Variants in HHAT observed in about 807,000 individuals in gnomAD.
HHAT encodes the protein hedgehog acyltransferase.
A neutral mutation model predicts 70.8 loss-of-function variants in HHAT; 47 were observed. That is an observed-to-expected ratio of 0.66 (90% CI 0.53 to 0.85). HHAT has a LOEUF of 0.85. HHAT is among the 40% of genes least tolerant of loss of function. The probability of loss-of-function intolerance (pLI) is 0.00; values close to 1 mark genes in which losing one functional copy is unlikely to be tolerated. For synonymous variants in HHAT, 228 were observed against 247.6 expected, an observed-to-expected ratio of 0.92 and a Z score of 0.74; for missense variants, 609 against 604.8, an observed-to-expected ratio of 1.01 and a Z score of -0.07.
intron 3 of HHAT, among the ~76,000 whole-genome samples, chr1:210,378,860 A>C (rs1224116253): frequency 6.6e-6 from 1 of 152,236 alleles, no homozygotes; most frequent in Non-Finnish European, 1.5e-5. Context: ...GTGTTCTTCA[A>C]AGTGAACTGT....
At chr1:210,483,819 C>T (rs528263760) in intron 8 of HHAT, among the ~76,000 whole-genome samples, 1 of 152,220 alleles carries the variant, frequency 6.6e-6, no homozygotes, top group East Asian at 1.9e-4. Context: ...ACCCATCAAC[C>T]AAGGTAGAAT....
At chr1:210,547,183 T>C (rs1299406943) in intron 9 of HHAT, among the ~76,000 whole-genome samples, 1 of 151,928 alleles carries the variant, frequency 6.6e-6, no homozygotes. Flanking sequence ...TACAAAATTA[T>C]CTGGGTGTGG....
chr1:210,425,083 A>G (rs1467974587), intron 7 of HHAT, among the ~76,000 whole-genome samples: 1 of 152,080 alleles, frequency 6.6e-6, no homozygotes, highest in Non-Finnish European at 1.5e-5. Context: ...TTTGATTTGC[A>G]TTTCTCTAAT....
At chr1:210,603,169 CG>C (rs1276208463) in intron 10 of HHAT, among the ~76,000 whole-genome samples, 2 of 152,184 alleles carry the variant, frequency 1.3e-5, no homozygotes, top group African/African-American at 4.8e-5. Context: ...CTCCAATCAT[CG>C]GCTGCTATCA....
intron 6 of HHAT, among the ~76,000 whole-genome samples, chr1:210,411,629 C>T (rs1192184999): frequency 1.3e-5 from 2 of 152,116 alleles, no homozygotes; most frequent in African/African-American, 2.4e-5. Context: ...GTGGTACATG[C>T]CTGTAGTCCC....
intron 9 of HHAT, among the ~76,000 whole-genome samples, chr1:210,536,554 T>A (rs1316483): frequency 1.3e-5 from 2 of 152,204 alleles, no homozygotes; most frequent in African/African-American, 4.8e-5. Context: ...TCATTTACAG[T>A]GGAGGTGGAA....
At position 210,400,459 on chromosome 1, in the gene HHAT, C is replaced by A; in HGVS notation, c.274-9C>A. On this transcript the variant is annotated splice_polypyrimidine_tract_variant and intron_variant, in intron 4 of 11. Transcript: ENST00000261458. ...CTGTCTCTCTCTGGATGGGCCCCAC[C>A]ATTTGCAGCACAGACCCTGGATTCT... The A allele has an allele frequency of 1.3e-6, 2 of 1,599,170 alleles. No individual in the cohort carries two copies. Among genetic ancestry groups the A allele is most frequent in the South Asian group, 2.3e-5 (2 of 88,634 alleles).
At chr1:210,440,915 T>C (rs2093491821) in intron 7 of HHAT, among the ~76,000 whole-genome samples, 1 of 152,222 alleles carries the variant, frequency 6.6e-6, no homozygotes, top group Admixed American at 6.5e-5. Context: ...CAACTTTGGA[T>C]GATTTATGCA....
intron 3 of HHAT, among the ~76,000 whole-genome samples, chr1:210,379,029 A>G (rs1213102138): frequency 6.6e-6 from 1 of 152,254 alleles, no homozygotes; most frequent in African/African-American, 2.4e-5. Context: ...TTTGAGAATA[A>G]TAGAAAAACC....
At chr1:210,541,952 C>T (rs1356821817) in intron 9 of HHAT, among the ~76,000 whole-genome samples, 2 of 152,164 alleles carry the variant, frequency 1.3e-5, no homozygotes, top group African/African-American at 4.8e-5. Flanking sequence ...AGTTCATCAG[C>T]GTCAGCGCTT....
At chr1:210,360,997 A>G (rs1302407485) in intron 2 of HHAT, among the ~76,000 whole-genome samples, 1 of 151,760 alleles carries the variant, frequency 6.6e-6, no homozygotes, top group Non-Finnish European at 1.5e-5. Flanking sequence ...CTAGAGGGAG[A>G]TATGTTCCAG....
At chr1:210,382,940 C>G (rs1216966029) in intron 3 of HHAT, among the ~76,000 whole-genome samples, 1 of 152,188 alleles carries the variant, frequency 6.6e-6, no homozygotes, top group Admixed American at 6.5e-5. Flanking sequence ...TGAAACCCGG[C>G]TCTGCCCCTT....
chr1:210,643,602 T>G (rs1194734929), intron 11 of HHAT, among the ~76,000 whole-genome samples: 1 of 152,162 alleles, frequency 6.6e-6, no homozygotes, highest in African/African-American at 2.4e-5. Context: ...GATGCAGAGA[T>G]GGAGGAGATC....
chr1:210,616,124 A>C (rs1158686676), intron 10 of HHAT, among the ~76,000 whole-genome samples: 2 of 152,216 alleles, frequency 1.3e-5, no homozygotes, highest in East Asian at 1.9e-4. Context: ...TGAAATGTGT[A>C]TACCTGTGGA....
chr1:210,516,634 C>T (rs541045781), intron 9 of HHAT, among the ~76,000 whole-genome samples: 72 of 152,228 alleles, frequency 4.7e-4, no homozygotes, highest in South Asian at 1.0e-3. Flanking sequence ...AATTGTCATA[C>T]GTTCCCCACA....
At position 210,414,757 on chromosome 1, in the gene HHAT, C is replaced by T. The variant is rs181956284; in HGVS notation, c.685-3397C>T. Among the ~76,000 whole-genome samples, 62 of 152,270 alleles carry T rather than the reference C, an allele frequency of 4.1e-4. 1 individual carries two copies. Among genetic ancestry groups the T allele is most frequent in the Non-Finnish European group, 8.4e-4 (57 of 68,016 alleles). On this transcript the variant is annotated intron_variant, in intron 6 of 11. Transcript: ENST00000261458. ...ATTTGGCTGGGTGTGATGGCTCACA[C>T]CTGTAATCCTAGCGCTTTGGGAGGC...
chr1:210,532,881 A>G (rs11119528), intron 9 of HHAT, among the ~76,000 whole-genome samples: 14,306 of 152,290 alleles, frequency 0.094, 1,551 homozygotes, highest in East Asian at 0.25. Context: ...CCTAGGGGGC[A>G]ATGTGGAGAA....
At chr1:210,395,091 T>G (rs1363218055) in intron 4 of HHAT, among the ~76,000 whole-genome samples, 1 of 152,188 alleles carries the variant, frequency 6.6e-6, no homozygotes, top group Non-Finnish European at 1.5e-5. Context: ...GATTGATTGA[T>G]TCCCTTTATT....
intron 8 of HHAT, among the ~76,000 whole-genome samples, chr1:210,497,110 A>G (rs1314152772): frequency 6.6e-6 from 1 of 152,206 alleles, no homozygotes; most frequent in Non-Finnish European, 1.5e-5. Context: ...GCTTATGGGA[A>G]ATTCTACCTG....
Sources: allele counts gnomAD v4.1 joint callset (sites outside exome capture counted in the v4.1 genomes callset), GRCh38; gene constraint gnomAD v4.1.1; transcripts MANE v1.5; gene names NCBI Gene and HGNC (gene_info 2026-07-23, HGNC 2026-07-21).